VPS41: variants seen among roughly 807,000 people sequenced by gnomAD.
VPS41 encodes the protein vacuolar protein sorting-associated protein 41 homolog.
In VPS41, 85 loss-of-function variants were observed where a neutral mutation model predicts 130.9. That is an observed-to-expected ratio of 0.65 (90% CI 0.55 to 0.78). The LOEUF is 0.78. Ranked by LOEUF, VPS41 falls within the 30% of genes least tolerant of loss-of-function variation. The pLI is 0.00. For synonymous variants in VPS41, 335 were observed against 332.9 expected, an observed-to-expected ratio of 1.01 and a Z score of -0.07; for missense variants, 874 against 1,018.7, an observed-to-expected ratio of 0.86 and a Z score of 1.93.
At chr7:38,798,813 T>C (rs1784670318) in intron 7 of VPS41, among the ~76,000 whole-genome samples, 1 of 152,100 alleles carries the variant, frequency 6.6e-6, no homozygotes, top group South Asian at 2.1e-4. Flanking sequence ...ATGACCAATG[T>C]AGTACTAAGA....
At chr7:38,849,456 T>C (rs1012628414) in intron 4 of VPS41, among the ~76,000 whole-genome samples, 9 of 152,172 alleles carry the variant, frequency 5.9e-5, no homozygotes, top group African/African-American at 2.2e-4. Context: ...GCTTGGAGAA[T>C]TACTGCAAGG....
intron 4 of VPS41, among the ~76,000 whole-genome samples, chr7:38,861,974 C>T (rs956921223): frequency 3.3e-5 from 5 of 152,084 alleles, no homozygotes; most frequent in Non-Finnish European, 5.9e-5. Flanking sequence ...AGAGAGAAAC[C>T]GATCCAGCAA....
chr7:38,788,386 CA>C (rs1285282691), intron 10 of VPS41, among the ~76,000 whole-genome samples: 6 of 152,162 alleles, frequency 3.9e-5, no homozygotes, highest in African/African-American at 1.4e-4. Flanking sequence ...GAATAAAAAG[CA>C]AACTACCTGC....
intron 4 of VPS41, among the ~76,000 whole-genome samples, chr7:38,860,169 C>T (rs922608789): frequency 6.6e-6 from 1 of 152,152 alleles, no homozygotes; most frequent in African/African-American, 2.4e-5. Flanking sequence ...AACAGGATGT[C>T]AACCTAGGCA....
chr7:38,785,536 C>G (rs1784423489), intron 10 of VPS41, among the ~76,000 whole-genome samples: 1 of 152,166 alleles, frequency 6.6e-6, no homozygotes, highest in South Asian at 2.1e-4. Context: ...ATCTCATCTA[C>G]CAAATTTTAG....
At chr7:38,805,777 T>G (rs1337030639) in intron 7 of VPS41, among the ~76,000 whole-genome samples, 1 of 152,166 alleles carries the variant, frequency 6.6e-6, no homozygotes, top group Non-Finnish European at 1.5e-5. Context: ...ATGTTCATCC[T>G]CTCTACACAC....
chr7:38,863,051 A>G (rs552097837), intron 3 of VPS41, among the ~76,000 whole-genome samples: 125 of 152,368 alleles, frequency 8.2e-4, no homozygotes, highest in African/African-American at 3.0e-3. Flanking sequence ...CACATACACA[A>G]ACAACAAATT....
rs139158074 is a variant in VPS41 at position 38,850,073 on chromosome 7, T to C, written c.246+12472A>G. On this transcript the variant is annotated intron_variant, in intron 4 of 28. Transcript: ENST00000310301. ...ACACCATAAATGGGAAACTGAAAGATAAGCCCACAGACTAGCAGACATTTG... is the reference window on the plus strand; with the variant it reads ...ACACCATAAATGGGAAACTGAAAGACAAGCCCACAGACTAGCAGACATTTG... Among the ~76,000 whole-genome samples the C allele has an allele frequency of 2.0e-5, 3 of 152,356 alleles. No individual in the cohort carries two copies. In the East Asian group the frequency reaches 5.8e-4, roughly 29 times the overall value.
At chr7:38,900,885 G>C (rs1049790630) in intron 1 of VPS41, among the ~76,000 whole-genome samples, 22 of 152,322 alleles carry the variant, frequency 1.4e-4, no homozygotes, top group African/African-American at 4.8e-4. Context: ...TTATTTCTTA[G>C]CTTCATTCAT....
rs552005039 is a variant in VPS41, at chr7:38,853,902, C to T, written c.246+8643G>A. Among the ~76,000 whole-genome samples, 3 of 152,350 alleles carry T rather than the reference C, an allele frequency of 2.0e-5. No individual in the cohort carries two copies. In the South Asian group the frequency reaches 6.2e-4, roughly 32 times the overall value. ...AACATTCAGTAAGTATGACACTTTA[C>T]TCTAAAAGAGAGAAGCATCCTTAAT... On this transcript the variant is annotated intron_variant, in intron 4 of 28. Coordinates refer to ENST00000310301, the MANE Select transcript of VPS41 (RefSeq NM_014396.4).
rs943190961 is a variant in VPS41 at position 38,789,932 on chromosome 7, A to G, written c.718-65T>C. ...GAAAATTCTTCATAACATTTTATTC[A>G]GTATATGGTATCTTTGTTAAATTAA... On this transcript the variant is annotated intron_variant, in intron 9 of 28. Coordinates refer to ENST00000310301, the MANE Select transcript of VPS41 (RefSeq NM_014396.4). 59 of 1,534,528 alleles carry G rather than the reference A, an allele frequency of 3.8e-5. No homozygotes were observed. In the South Asian group the frequency reaches 6.4e-4, roughly 17 times the overall value.
chr7:38,875,494 C>T (rs986772085), intron 2 of VPS41, among the ~76,000 whole-genome samples: 1 of 152,162 alleles, frequency 6.6e-6, no homozygotes, highest in Admixed American at 6.5e-5. Context: ...ACTATTAATA[C>T]TGTATGCTAT....
chr7:38,822,613 T>C (rs1274589707), intron 5 of VPS41, among the ~76,000 whole-genome samples: 2 of 152,228 alleles, frequency 1.3e-5, no homozygotes, highest in African/African-American at 4.8e-5. Context: ...ATTGGGGCTA[T>C]CATGAATACT....
chr7:38,750,304 G>A (rs2286089), intron 22 of VPS41, among the ~76,000 whole-genome samples: 136,251 of 152,218 alleles, frequency 0.9, 61,056 homozygotes, highest in East Asian at 0.99. Flanking sequence ...CCCACAATAG[G>A]TCCTGACAAA....
intron 4 of VPS41, among the ~76,000 whole-genome samples, chr7:38,856,547 T>C (rs1785989895): frequency 2.0e-5 from 3 of 152,172 alleles, no homozygotes; most frequent in Non-Finnish European, 1.5e-5. Context: ...TCCATGGTTA[T>C]GTTTCAAAAC....
intron 21 of VPS41, 43 bp downstream of exon 21, chr7:38,754,659 C>A (rs1406045331): frequency 1.2e-5 from 18 of 1,522,598 alleles, no homozygotes; most frequent in Non-Finnish European, 1.6e-5. Context: ...GATTCACCCA[C>A]TGGTCAATCA....
At chr7:38,881,370 G>A (rs896727094) in intron 2 of VPS41, among the ~76,000 whole-genome samples, 3 of 152,112 alleles carry the variant, frequency 2.0e-5, no homozygotes, top group Non-Finnish European at 4.4e-5. Flanking sequence ...AAGACCCTTA[G>A]GATTATACTG....
chr7:38,854,948 C>A (rs1423722276), intron 4 of VPS41, among the ~76,000 whole-genome samples: 1 of 151,270 alleles, frequency 6.6e-6, no homozygotes, highest in Non-Finnish European at 1.5e-5. Flanking sequence ...TGGTGGCTCA[C>A]ACCTGTAATC....
rs1259505792 is a variant in VPS41, at chr7:38,754,737, C to T, written c.1753G>A (p.Glu585Lys). 1 of 1,613,318 alleles carries T rather than the reference C, an allele frequency of 6.2e-7. No individual in the cohort carries two copies. Among genetic ancestry groups the T allele is most frequent in the Non-Finnish European group, 8.5e-7 (1 of 1,179,650 alleles). The change falls in exon 21 of 29, where the codon GAA (glutamate) becomes AAA (lysine). Residue 585 changes from glutamate (E) to lysine (K), a missense_variant. Physicochemically the swap from Glu to Lys is moderately conservative, Grantham distance 56. Transcript: ENST00000310301. Reference sequence around the variant, plus strand: ...AGCTCTGGTCTGTCTTCCAATTCTTCCACTACCTTTTTAATCTAGATAAAA... The same window carrying T: ...AGCTCTGGTCTGTCTTCCAATTCTTTCACTACCTTTTTAATCTAGATAAAA... The part of the protein sequence containing the change: ...EDKISIKKVV[E>K]ELEDRPELQH...
Sources: allele counts gnomAD v4.1 joint callset (sites outside exome capture counted in the v4.1 genomes callset), GRCh38; gene constraint gnomAD v4.1.1; transcripts MANE v1.5; gene names NCBI Gene and HGNC (gene_info 2026-07-23, HGNC 2026-07-21).